Variants in FSTL5 observed in about 807,000 individuals in gnomAD.
FSTL5 encodes the protein follistatin-related protein 5.
FSTL5 carries 62 observed loss-of-function variants against 89.1 expected under a neutral mutation model. The observed-to-expected ratio is 0.70, with a 90% confidence interval of 0.57 to 0.86. The LOEUF (loss-of-function observed/expected upper bound fraction) is 0.86. Among genes scored for constraint, FSTL5 ranks in the 40% least tolerant of loss-of-function variants. The probability of loss-of-function intolerance (pLI) is 0.00; values close to 1 mark genes in which losing one functional copy is unlikely to be tolerated. For missense variants in FSTL5, 1,057 were observed against 1,001.6 expected (o/e 1.06, Z -0.75); for synonymous variants, 383 against 346.2 (o/e 1.11, Z -1.18).
chr4:161,726,147 A>G (rs1407619052), intron 6 of FSTL5, among the ~76,000 whole-genome samples: 1 of 151,816 alleles, frequency 6.6e-6, no homozygotes, highest in Non-Finnish European at 1.5e-5. Flanking sequence ...AAAAAACTAT[A>G]TTATAACATG....
chr4:161,891,752 T>C (rs912262420), intron 4 of FSTL5, among the ~76,000 whole-genome samples: 5 of 152,092 alleles, frequency 3.3e-5, no homozygotes, highest in African/African-American at 1.2e-4. Flanking sequence ...GCTTGGAATC[T>C]CATTATGTCC....
At chr4:161,808,895 A>T (rs13150946) in intron 4 of FSTL5, among the ~76,000 whole-genome samples, 30,328 of 152,088 alleles carry the variant, frequency 0.2, 3,100 homozygotes, top group Middle Eastern at 0.29. Context: ...AAGCTTACAA[A>T]AAGGTATTCA....
At chr4:161,496,299 G>A (rs1578877858) in intron 12 of FSTL5, among the ~76,000 whole-genome samples, 1 of 152,066 alleles carries the variant, frequency 6.6e-6, no homozygotes, top group Non-Finnish European at 1.5e-5. Context: ...AAGATGTGAT[G>A]GTTGATTTAT....
chr4:161,457,868 C>T (rs1215948665), intron 14 of FSTL5, among the ~76,000 whole-genome samples: 2 of 152,096 alleles, frequency 1.3e-5, no homozygotes, highest in Non-Finnish European at 2.9e-5. Context: ...GAAGATTGTG[C>T]TTTTTCAATC....
chr4:162,090,902 GATTCCTTGTCA>G (rs111427307), intron 2 of FSTL5, among the ~76,000 whole-genome samples: 9,265 of 151,780 alleles, frequency 0.061, 517 homozygotes, highest in African/African-American at 0.15. Flanking sequence ...CCTTTCCAAA[GATTCCTTGTCA>G]ATCATAGACT....
At chr4:161,504,252 A>C (rs62324273) in intron 11 of FSTL5, among the ~76,000 whole-genome samples, 31,689 of 151,724 alleles carry the variant, frequency 0.21, 3,625 homozygotes, top group East Asian at 0.37. Context: ...GTAGATAGAG[A>C]TACACCTCTC....
chr4:161,888,222 T>C (rs1022952957), intron 4 of FSTL5, among the ~76,000 whole-genome samples: 4 of 152,094 alleles, frequency 2.6e-5, no homozygotes, highest in African/African-American at 9.7e-5. Flanking sequence ...TTTTGGCTGG[T>C]GAAAATTGAT....
At chr4:162,122,962 C>A (rs1291039844) in intron 1 of FSTL5, among the ~76,000 whole-genome samples, 3 of 152,052 alleles carry the variant, frequency 2.0e-5, no homozygotes, top group African/African-American at 4.8e-5. Context: ...TCATTGCCTT[C>A]TACCTTGATG....
rs577868772 is a variant in FSTL5, at chr4:161,952,380, G to A, written c.161-31728C>T. ...AAAGAAGGTGGAATATGATGCAGTG[G>A]TTTTCAGGTAATCATTATAGACTAA... On this transcript the variant is annotated intron_variant, in intron 3 of 15. Transcript: ENST00000306100. Among the ~76,000 whole-genome samples, 19 of 152,098 alleles carry A rather than the reference G, an allele frequency of 1.2e-4. No homozygotes were observed. In the East Asian group the frequency reaches 3.7e-3, roughly 29 times the overall value.
At chr4:161,840,020 G>A (rs1731163905) in intron 4 of FSTL5, among the ~76,000 whole-genome samples, 1 of 152,160 alleles carries the variant, frequency 6.6e-6, no homozygotes, top group Non-Finnish European at 1.5e-5. Flanking sequence ...TATACTTACA[G>A]GAAAAGTATG....
intron 7 of FSTL5, among the ~76,000 whole-genome samples, chr4:161,651,918 A>G (rs1736355928): frequency 6.6e-6 from 1 of 152,200 alleles, no homozygotes. Flanking sequence ...TTGAATATCA[A>G]TTAGTCCCAC....
At chr4:161,447,304 C>CAT (rs1317363065) in intron 15 of FSTL5, among the ~76,000 whole-genome samples, 2 of 152,076 alleles carry the variant, frequency 1.3e-5, no homozygotes, top group African/African-American at 2.4e-5. Context: ...AAAATAATTA[C>CAT]ATATATATAT....
intron 1 of FSTL5, among the ~76,000 whole-genome samples, chr4:162,121,614 G>T (rs1731866138): frequency 6.6e-6 from 1 of 152,164 alleles, no homozygotes; most frequent in Non-Finnish European, 1.5e-5. Context: ...TGGTTAAAAT[G>T]ATGTCCTAAT....
At chr4:161,436,916 T>A (rs1732577628) in intron 15 of FSTL5, among the ~76,000 whole-genome samples, 1 of 152,180 alleles carries the variant, frequency 6.6e-6, no homozygotes, top group African/African-American at 2.4e-5. Flanking sequence ...TTCCTTCACT[T>A]AACATTGTGA....
At chr4:161,451,056 T>G (rs1733146499) in intron 15 of FSTL5, among the ~76,000 whole-genome samples, 2 of 152,266 alleles carry the variant, frequency 1.3e-5, no homozygotes, top group African/African-American at 4.8e-5. Flanking sequence ...TTCATCTTCA[T>G]TTTTAACAGC....
intron 13 of FSTL5, 111 bp from the exon 14 acceptor site, chr4:161,459,430 C>A: frequency 3.3e-6 from 2 of 608,224 alleles, no homozygotes; most frequent in Admixed American, 2.9e-5. Context: ...ATTTAATTTG[C>A]CAAATATATA....
At chr4:162,055,758 T>C (rs1318514865) in intron 2 of FSTL5, among the ~76,000 whole-genome samples, 1 of 151,872 alleles carries the variant, frequency 6.6e-6, no homozygotes, top group Non-Finnish European at 1.5e-5. Flanking sequence ...CTACTATGAA[T>C]AGGCAGATAG....
intron 7 of FSTL5, among the ~76,000 whole-genome samples, chr4:161,603,147 T>A (rs570634006): frequency 1.3e-5 from 2 of 152,258 alleles, no homozygotes; most frequent in East Asian, 3.9e-4. Context: ...GAACAGTATA[T>A]GACAATAAAT....
chr4:161,914,542 A>T (rs1007376481), intron 4 of FSTL5, among the ~76,000 whole-genome samples: 98 of 152,296 alleles, frequency 6.4e-4, no homozygotes, highest in African/African-American at 2.2e-3. Flanking sequence ...TAACCTGCAT[A>T]AATCATCAGT....
Sources: allele counts gnomAD v4.1 joint callset (sites outside exome capture counted in the v4.1 genomes callset), GRCh38; gene constraint gnomAD v4.1.1; transcripts MANE v1.5; gene names NCBI Gene and HGNC (gene_info 2026-07-23, HGNC 2026-07-21).